The following RSPH14 variants were observed in gnomAD, a reference collection of about 807,000 sequenced individuals.
The protein encoded by RSPH14 is radial spoke head 14 homolog, also known as rhabdoid tumor deletion region gene 1.
RSPH14 carries 20 observed loss-of-function variants against 26.7 expected under a neutral mutation model. The observed-to-expected ratio is 0.75, with a 90% CI of 0.53 to 1.09. The LOEUF is 1.09. Ranked by LOEUF, RSPH14 falls within the 50% of genes least tolerant of loss-of-function variation. RSPH14 has a pLI of 0.00. For synonymous variants in RSPH14, 177 were observed against 189.3 expected, an observed-to-expected ratio of 0.93 and a Z score of 0.53; for missense variants, 449 against 457.2, an observed-to-expected ratio of 0.98 and a Z score of 0.16.
intron 4 of RSPH14, among the ~76,000 whole-genome samples, chr22:23,126,467 G>A (rs144825772): frequency 1.3e-3 from 202 of 152,296 alleles, no homozygotes; most frequent in African/African-American, 4.3e-3. Flanking sequence ...AAAGTCACCT[G>A]GGCAGCTTCT....
the RSPH14 span, chr22:23,152,574 T>G: frequency 8.7e-5 from 137 of 1,566,344 alleles, no homozygotes; most frequent in Middle Eastern, 1.7e-4. Flanking sequence ...AGCACCAGGT[T>G]GTCATACCTT....
chr22:23,064,294 G>A (rs2068157266), intron 4 of RSPH14, among the ~76,000 whole-genome samples, 161 bp from the exon 5 acceptor site: 1 of 152,214 alleles, frequency 6.6e-6, no homozygotes, highest in Non-Finnish European at 1.5e-5. Flanking sequence ...GCCTGGCCAG[G>A]GGCCTGAGCG....
intron 4 of RSPH14, chr22:23,070,433 C>T (rs2068325808): frequency 6.8e-6 from 1 of 147,740 alleles, no homozygotes; most frequent in African/African-American, 2.4e-5. Flanking sequence ...GCGCCGCCCG[C>T]GGTCCGGTCA....
upstream of RSPH14, chr22:23,145,845 G>A (rs1334802045): frequency 4.6e-6 from 2 of 434,346 alleles, no homozygotes; most frequent in Non-Finnish European, 6.1e-6. Flanking sequence ...CAGAGGGGCT[G>A]TTGAGGAGGC....
At chr22:23,098,704 C>T (rs1370874386) in intron 4 of RSPH14, among the ~76,000 whole-genome samples, 1 of 152,274 alleles carries the variant, frequency 6.6e-6, no homozygotes, top group Non-Finnish European at 1.5e-5. Context: ...TGATTCTGAC[C>T]TTTCATGCTC....
chr22:23,064,580 G>A (rs2068164386), intron 4 of RSPH14, among the ~76,000 whole-genome samples: 1 of 152,170 alleles, frequency 6.6e-6, no homozygotes. Context: ...ATATTTCAAA[G>A]CTGCTGGAGA....
intron 4 of RSPH14, among the ~76,000 whole-genome samples, chr22:23,080,923 G>A (rs2068659584): frequency 6.6e-6 from 1 of 152,192 alleles, no homozygotes; most frequent in Non-Finnish European, 1.5e-5. Flanking sequence ...TACAGGGTTG[G>A]CCCTCCAGGG....
chr22:23,175,696 C>T, the RSPH14 span, among the ~76,000 whole-genome samples: 94 of 152,184 alleles, frequency 6.2e-4, 1 homozygote, highest in Non-Finnish European at 1.2e-3. Flanking sequence ...AGCTGTGGAG[C>T]CCTTGGTGAA....
At chr22:23,088,434 G>A (rs1369673234) in intron 4 of RSPH14, among the ~76,000 whole-genome samples, 4 of 152,212 alleles carry the variant, frequency 2.6e-5, no homozygotes, top group African/African-American at 9.7e-5. Context: ...CAGCTGCTGG[G>A]TGCCAAGGTG....
intron 4 of RSPH14, among the ~76,000 whole-genome samples, chr22:23,127,866 AG>A (rs2070224058): frequency 6.6e-6 from 1 of 152,126 alleles, no homozygotes; most frequent in Non-Finnish European, 1.5e-5. Flanking sequence ...CTCCTTTCCA[AG>A]GTCACGGAGC....
the RSPH14 span, chr22:23,158,888 T>TA: frequency 6.2e-7 from 1 of 1,613,118 alleles, no homozygotes; most frequent in Non-Finnish European, 8.5e-7. Context: ...CCTCTCTCCT[T>TA]ACACTCCAGG....
intron 4 of RSPH14, among the ~76,000 whole-genome samples, chr22:23,126,883 T>A (rs2070196831): frequency 6.6e-6 from 1 of 152,222 alleles, no homozygotes; most frequent in South Asian, 2.1e-4. Context: ...GCCCACGTGG[T>A]CACCCTGGTG....
At chr22:23,104,312 G>A (rs566186857) in intron 4 of RSPH14, among the ~76,000 whole-genome samples, 1 of 152,314 alleles carries the variant, frequency 6.6e-6, no homozygotes, top group South Asian at 2.1e-4. Flanking sequence ...AGCGCCCTGT[G>A]ATGACGGAGC....
chr22:23,155,924 T>C, the RSPH14 span: 35 of 1,554,362 alleles, frequency 2.3e-5, no homozygotes, highest in Non-Finnish European at 2.9e-5. Flanking sequence ...ACTGTGATTG[T>C]GTAGCCTGAC....
chr22:23,064,081 C>T lies in RSPH14; in HGVS notation c.474G>A (p.Leu158=). 2 of 1,614,226 alleles carry T rather than the reference C, an allele frequency of 1.2e-6. No homozygotes were observed. The highest frequency in any genetic ancestry group is 1.7e-6 in the Non-Finnish European group (2 of 1,180,034). ...ACTCCTCCTCCTCCACCTCCACCTG[C>T]AGCTTCCATACCAGTGAGGAAATCA... is the stretch of plus-strand genomic sequence containing the variant. ...KGLISSLVWK[L]QVEVEEEEFQ... Residue 158 remains leucine (L), a synonymous_variant, in exon 5 of 7, where the codon CTG becomes CTA. Coordinates refer to ENST00000216036, the MANE Select transcript of RSPH14 (RefSeq NM_014433.3).
At chr22:23,124,519 A>C (rs1023926949) in intron 4 of RSPH14, 10 of 333,900 alleles carry the variant, frequency 3.0e-5, no homozygotes, top group African/African-American at 2.2e-4. Flanking sequence ...TTATTTAAGA[A>C]AATAAACACG....
intron 4 of RSPH14, among the ~76,000 whole-genome samples, chr22:23,075,874 A>G (rs1440830521): frequency 6.6e-6 from 1 of 152,044 alleles, no homozygotes; most frequent in African/African-American, 2.4e-5. Context: ...ACGGAGGCCA[A>G]GGTCCTTTGT....
At chr22:23,158,595 G>C in the RSPH14 span, among the ~76,000 whole-genome samples, 2 of 152,214 alleles carry the variant, frequency 1.3e-5, no homozygotes, top group African/African-American at 4.8e-5. Context: ...AGGCGGGGGT[G>C]ATGGTTCTAG....
intron 4 of RSPH14, among the ~76,000 whole-genome samples, chr22:23,073,876 T>A (rs529282071): frequency 1.1e-3 from 161 of 150,212 alleles, no homozygotes; most frequent in African/African-American, 3.7e-3. Flanking sequence ...TAACACATGT[T>A]ACTAAGTGCT....
Sources: gnomAD v4.1 joint callset for allele counts (sites outside exome capture counted in the v4.1 genomes callset) on GRCh38, gnomAD v4.1.1 for gene constraint, MANE v1.5 for transcripts, NCBI Gene and HGNC (gene_info 2026-07-23, HGNC 2026-07-21) for gene names.